OSBP2: variants seen among roughly 807,000 people sequenced by gnomAD.
OSBP2 encodes oxysterol binding protein 2, also known as oxysterol-binding protein 2.
A neutral mutation model predicts 96.0 loss-of-function variants in OSBP2; 66 were observed. That is an observed-to-expected ratio of 0.69 (90% CI 0.56 to 0.84). The LOEUF is 0.84. OSBP2 is among the 40% of genes least tolerant of loss of function. The probability of loss-of-function intolerance (pLI) is 0.00; values close to 1 mark genes in which losing one functional copy is unlikely to be tolerated. For synonymous variants in OSBP2, 525 were observed against 520.9 expected (o/e 1.01, Z -0.11); for missense variants, 1,038 against 1,222.7 (o/e 0.85, Z 2.25).
intron 2 of OSBP2, among the ~76,000 whole-genome samples, chr22:30,839,226 A>G (rs1471972205): frequency 7.0e-6 from 1 of 143,124 alleles, no homozygotes; most frequent in East Asian, 2.0e-4. Flanking sequence ...TATGTGCCAC[A>G]TTTTCTTAAT....
chr22:30,893,664 T>C lies in OSBP2; in HGVS notation c.2121T>C (p.His707=). The change falls in exon 11 of 14, where the codon CAT becomes CAC. Residue 707 remains histidine, a synonymous_variant. Transcript: ENST00000332585. ...DQSGDIEIVN[H]KTNDRCQLKF... Reference sequence around the variant, plus strand: ...CAGGGGACATCGAGATTGTGAACCATAAGACCAATGACCGGTGCCAGCTGA... The same window carrying C: ...CAGGGGACATCGAGATTGTGAACCACAAGACCAATGACCGGTGCCAGCTGA... 1 of 1,614,166 alleles carries C rather than the reference T, an allele frequency of 6.2e-7. No homozygotes were observed.
At chr22:30,872,257 G>GTCT in intron 3 of OSBP2, 1 of 456,644 alleles carries the variant, frequency 2.2e-6, no homozygotes, top group Non-Finnish European at 4.4e-6. Context: ...ACACACAAAT[G>GTCT]TGAAGCACTG....
rs2039865134 is a variant in OSBP2 at position 30,888,423 on chromosome 22, T to C, written c.1418+83T>C. 3 of 866,628 alleles carry C rather than the reference T, an allele frequency of 3.5e-6. No individual in the cohort carries two copies. In the South Asian group the frequency reaches 4.2e-5, roughly 12 times the overall value. 53.7% of individuals were successfully genotyped at this position (866,628 alleles called of 1,614,324 possible). On this transcript the variant is annotated intron_variant, in intron 5 of 13. Coordinates refer to ENST00000332585, the MANE Select transcript of OSBP2 (RefSeq NM_030758.4). ...TCTTTTCACCAGCTATCTAGTTGTCTACTTGGGGTTTTCTTTCCTTTAAAT... is the reference window on the plus strand; with the variant it reads ...TCTTTTCACCAGCTATCTAGTTGTCCACTTGGGGTTTTCTTTCCTTTAAAT...
At chr22:30,888,473 T>C in intron 5 of OSBP2, 133 bp downstream of exon 5, 1 of 675,766 alleles carries the variant, frequency 1.5e-6, no homozygotes, top group Non-Finnish European at 2.6e-6. Flanking sequence ...GCCCAGTGGC[T>C]CCCAGCACTT....
intron 2 of OSBP2, among the ~76,000 whole-genome samples, chr22:30,836,532 T>G (rs993676319): frequency 5.8e-4 from 89 of 152,324 alleles, no homozygotes; most frequent in African/African-American, 2.0e-3. Flanking sequence ...GGAAGACACA[T>G]TTTCATTGTA....
At chr22:30,889,775 T>C (rs2039902484) in intron 7 of OSBP2, 139 bp downstream of exon 7, 4 of 755,220 alleles carry the variant, frequency 5.3e-6, no homozygotes, top group Non-Finnish European at 8.8e-6. Context: ...AGCATGTAAC[T>C]AATTATCTAA....
Position 30,808,970 on chromosome 22 carries a change from A to G in OSBP2, c.854-61459A>G, listed in dbSNP as rs574156237. On this transcript the variant is annotated intron_variant, in intron 2 of 13. Coordinates refer to ENST00000332585, the MANE Select transcript of OSBP2 (RefSeq NM_030758.4). ...CTCCGTCTCAAAAAAAAAAATGTGG[A>G]CTTAGACACACACACAGAGGAGACC... 2.6e-5 allele frequency among the ~76,000 whole-genome samples: 4 copies of G among 152,128 alleles called. No individual in the cohort carries two copies. The South Asian group carries it at 8.3e-4, about 32-fold the overall frequency.
intron 1 of OSBP2, among the ~76,000 whole-genome samples, chr22:30,714,710 G>A (rs1479487656): frequency 6.6e-6 from 1 of 152,024 alleles, no homozygotes; most frequent in Non-Finnish European, 1.5e-5. Context: ...TCTGCCTCCC[G>A]GGTTCAAGCG....
Position 30,781,813 on chromosome 22 carries a change from T to C in OSBP2, c.853+40444T>C, listed in dbSNP as rs188708430. On this transcript the variant is annotated intron_variant, in intron 2 of 13. Coordinates refer to ENST00000332585, the MANE Select transcript of OSBP2 (RefSeq NM_030758.4). ...ATGTGGGAAATGTAGAGTTTCCTGA[T>C]GGACAACCACTCTTTTTGTTTTCAA... is the stretch of plus-strand genomic sequence containing the variant. 2.0e-4 allele frequency among the ~76,000 whole-genome samples: 30 copies of C among 152,326 alleles called. No individual in the cohort carries two copies. In the East Asian group the frequency reaches 3.9e-3, roughly 20 times the overall value.
chr22:30,821,912 C>T (rs1244487092), intron 2 of OSBP2, among the ~76,000 whole-genome samples: 1 of 152,254 alleles, frequency 6.6e-6, no homozygotes, highest in Non-Finnish European at 1.5e-5. Flanking sequence ...TGCTAACTTA[C>T]TGGTTATGCC....
At chr22:30,894,283 G>A in intron 12 of OSBP2, 1 of 374,436 alleles carries the variant, frequency 2.7e-6, no homozygotes, top group Non-Finnish European at 4.8e-6. Flanking sequence ...AATAACCACA[G>A]GAAATAGAAA....
At chr22:30,807,235 C>T (rs982481854) in intron 2 of OSBP2, among the ~76,000 whole-genome samples, 8 of 152,126 alleles carry the variant, frequency 5.3e-5, no homozygotes, top group East Asian at 1.9e-4. Context: ...CCTGCCCCCG[C>T]GAGACTCAGC....
chr22:30,905,085 G>A (rs566103905), intron 12 of OSBP2, among the ~76,000 whole-genome samples: 14 of 149,712 alleles, frequency 9.4e-5, no homozygotes, highest in Admixed American at 2.0e-4. Context: ...TGCAGTGAGC[G>A]AAGCATCAGG....
intron 2 of OSBP2, among the ~76,000 whole-genome samples, chr22:30,840,209 TAAAAA>T (rs145829486): frequency 7.9e-6 from 1 of 126,368 alleles, no homozygotes; most frequent in Non-Finnish European, 1.7e-5. Context: ...TCAAGTGTAA[TAAAAA>T]AAAAAAAGAA....
At chr22:30,840,080 T>G (rs1423227168) in intron 2 of OSBP2, among the ~76,000 whole-genome samples, 3 of 150,792 alleles carry the variant, frequency 2.0e-5, no homozygotes, top group Admixed American at 6.6e-5. Context: ...CAACTTTCTT[T>G]TTTAGCATTG....
chr22:30,775,936 T>C lies in OSBP2; in HGVS notation c.853+34567T>C, dbSNP rs139995810. ...CTCAGCCTCCCGAGTAGTGGGACTA[T>C]AGGAAGGCACCACCACACCTGGCTA... is the stretch of plus-strand genomic sequence containing the variant. On this transcript the variant is annotated intron_variant, in intron 2 of 13. Transcript: ENST00000332585. Among the ~76,000 whole-genome samples, 1,027 of 151,530 alleles carry C rather than the reference T, an allele frequency of 6.8e-3. 13 individuals carry two copies. Among genetic ancestry groups the C allele is most frequent in the African/African-American group, 0.024 (981 of 41,350 alleles).
chr22:30,876,943 C>T (rs67441859), intron 3 of OSBP2, among the ~76,000 whole-genome samples: 27,797 of 152,092 alleles, frequency 0.18, 2,921 homozygotes, highest in Middle Eastern at 0.28. Flanking sequence ...AGGAACACCT[C>T]CCCTGTCTAC....
At chr22:30,709,875 G>A (rs1045466055) in intron 1 of OSBP2, among the ~76,000 whole-genome samples, 1 of 150,570 alleles carries the variant, frequency 6.6e-6, no homozygotes, top group African/African-American at 2.4e-5. Flanking sequence ...CTCATTTATT[G>A]GCAGGGATAC....
intron 2 of OSBP2, among the ~76,000 whole-genome samples, chr22:30,756,505 C>G (rs1428056118): frequency 6.6e-6 from 1 of 152,052 alleles, no homozygotes; most frequent in East Asian, 1.9e-4. Context: ...CCAGCCTGAC[C>G]AATACGGTGA....
Sources: allele counts gnomAD v4.1 joint callset (sites outside exome capture counted in the v4.1 genomes callset), GRCh38; gene constraint gnomAD v4.1.1; transcripts MANE v1.5; gene names NCBI Gene and HGNC (gene_info 2026-07-23, HGNC 2026-07-21).